SLC29A2: variants seen among roughly 807,000 people sequenced by gnomAD.
SLC29A2 encodes the protein solute carrier family 29 member 2.
Under a neutral mutation model 48.8 loss-of-function variants are expected in SLC29A2, and 37 were observed. The observed-to-expected ratio is 0.76, with a 90% CI of 0.58 to 1.00. The LOEUF (loss-of-function observed/expected upper bound fraction) is 1.00. SLC29A2 is among the 50% of genes least tolerant of loss of function. The pLI is 0.00. For synonymous variants in SLC29A2, 233 were observed against 261.7 expected (o/e 0.89, Z 1.06); for missense variants, 533 against 578.6 (o/e 0.92, Z 0.81).
Position 66,369,388 on chromosome 11 carries a change from TGAG to T in SLC29A2, c.253_255del (p.Leu85del), listed in dbSNP as rs780408258. 4 of 1,613,842 alleles carry T rather than the reference TGAG, an allele frequency of 2.5e-6. No homozygotes were observed. Among genetic ancestry groups the T allele is most frequent in the East Asian group, 2.2e-5 (1 of 44,878 alleles). On this transcript the variant is annotated inframe_deletion, in exon 3 of 12. Transcript: ENST00000357440. ...TCTCACCACTGGTACAGGAAGGAGT[TGAG>T]GAGGGTGAAGAGCAGCAGGGGCAGC...
At chr11:66,368,290 CA>C (rs1855824938) in intron 5 of SLC29A2, among the ~76,000 whole-genome samples, 2 of 152,112 alleles carry the variant, frequency 1.3e-5, no homozygotes, top group Admixed American at 1.3e-4. Context: ...AACCTGCTGC[CA>C]CATGCCAGTA....
At position 66,368,687 on chromosome 11, in the gene SLC29A2, A is replaced by G. The variant is rs200291847; in HGVS notation, c.416-16T>C. ...GCACTGAAGGCTGTGGAGGACAGGG[A>G]TGGGGGCTGCTGCTCAACTAGGCAA... On this transcript the variant is annotated splice_polypyrimidine_tract_variant and intron_variant, in intron 4 of 11. Transcript: ENST00000357440. 35 of 1,589,136 alleles carry G rather than the reference A, an allele frequency of 2.2e-5. No individual in the cohort carries two copies. The East Asian group carries it at 4.1e-4, about 19-fold the overall frequency.
chr11:66,364,157 G>A (rs1350026196), intron 11 of SLC29A2, 68 bp downstream of exon 11: 39 of 1,291,598 alleles, frequency 3.0e-5, no homozygotes, highest in African/African-American at 5.9e-5. Flanking sequence ...CATTGCAGGC[G>A]GTCCCTTCCC....
chr11:66,369,312 AG>A, intron 3 of SLC29A2, 56 bp downstream of exon 3: 1 of 1,608,572 alleles, frequency 6.2e-7, no homozygotes, highest in Non-Finnish European at 8.5e-7. Flanking sequence ...GGCGCAGGGG[AG>A]GGCCTCAATG....
chr11:66,365,531 G>A (rs1357479555), intron 10 of SLC29A2, among the ~76,000 whole-genome samples: 1 of 152,234 alleles, frequency 6.6e-6, no homozygotes, highest in African/African-American at 2.4e-5. Context: ...ATCAGCTCCT[G>A]TCCTGACTTG....
At chr11:66,369,275 G>A (rs961806002) in intron 3 of SLC29A2, 76 bp from the exon 4 acceptor site, 33 of 1,593,072 alleles carry the variant, frequency 2.1e-5, no homozygotes, top group Non-Finnish European at 2.6e-5. Flanking sequence ...GACACCTGGG[G>A]CTGGGCAGTA....
chr11:66,371,780 C>T, upstream of SLC29A2: 4 of 599,634 alleles, frequency 6.7e-6, no homozygotes, highest in Non-Finnish European at 1.2e-5. Flanking sequence ...AGGCTGGGAC[C>T]TGGGCTCCGC....
chr11:66,364,096 C>T, intron 11 of SLC29A2, 129 bp downstream of exon 11: 2 of 799,920 alleles, frequency 2.5e-6, no homozygotes, highest in Non-Finnish European at 4.1e-6. Flanking sequence ...GCCAGCAAGG[C>T]CTGCAGACAG....
In SLC29A2 at chr11:66,366,145, G is replaced by A. The variant is rs1855677321; in HGVS notation, c.954C>T (p.Ser318=). ...FPAITAMVTS[S]TSPGKWSQFF... is the part of the protein sequence containing the mutation. ...ACTCACTCCACTTCCCAGGACTGGTGGAGCTGGTCACCATGGCTGTGATGG... is the reference window on the plus strand; with the variant it reads ...ACTCACTCCACTTCCCAGGACTGGTAGAGCTGGTCACCATGGCTGTGATGG... The change falls in exon 9 of 12, where the codon TCC becomes TCT. Residue 318 remains serine (S), a synonymous_variant. Transcript: ENST00000357440. 1 of 1,614,152 alleles carries A rather than the reference G, an allele frequency of 6.2e-7. No homozygotes were observed. The highest frequency in any genetic ancestry group is 1.6e-4 in the Middle Eastern group (1 of 6,062).
chr11:66,366,275 GGGCCCCACCCTCTTGCCCAA>G, intron 8 of SLC29A2, 44 bp from the exon 9 acceptor site: 1 of 1,599,370 alleles, frequency 6.3e-7, no homozygotes, highest in Non-Finnish European at 8.6e-7. Context: ...GGCAGTCCCA[GGGCCCCACCCTCTTGCCCAA>G]GCCCCATGTG....
At chr11:66,364,173 C>A (rs1855529881) in intron 11 of SLC29A2, 52 bp downstream of exon 11, 11 of 1,449,512 alleles carry the variant, frequency 7.6e-6, no homozygotes, top group Non-Finnish European at 1.0e-5. Flanking sequence ...TTCCCAAAGA[C>A]TGAACCCACC....
Position 66,366,427 on chromosome 11 carries a change from A to G in SLC29A2, c.867+4T>C. Reference sequence around the variant, plus strand: ...GGTGGTTGGGGGCTGTATCCAAGCCAAACCTTCTGGAAGACAGTGAAGACT... The same window carrying G: ...GGTGGTTGGGGGCTGTATCCAAGCCGAACCTTCTGGAAGACAGTGAAGACT... On this transcript the variant is annotated splice_donor_region_variant and intron_variant, in intron 8 of 11. Transcript: ENST00000357440. 3.7e-6 allele frequency: 6 copies of G among 1,614,190 alleles called. No individual in the cohort carries two copies. Among genetic ancestry groups the G allele is most frequent in the Non-Finnish European group, 5.1e-6 (6 of 1,180,038 alleles).
rs1856023266 is a variant in SLC29A2 at position 66,371,301 on chromosome 11, G to A, written c.54C>T (p.Phe18=). ...RDSYHLVGIS[F]FILGLGTLLP... Reference sequence around the variant, plus strand: ...GGAGGGTGCCCAGCCCCAGGATGAAGAAGCTGATCCCGACCAGGTGGTAGC... The same window carrying A: ...GGAGGGTGCCCAGCCCCAGGATGAAAAAGCTGATCCCGACCAGGTGGTAGC... Residue 18 remains phenylalanine (F), a synonymous_variant, in exon 2 of 12, where the codon TTC becomes TTT. Transcript: ENST00000357440. 1.9e-6 allele frequency: 3 copies of A among 1,613,920 alleles called. No homozygotes were observed. The highest frequency in any genetic ancestry group is 2.2e-5 in the East Asian group (1 of 44,876).
chr11:66,371,931 C>A, upstream of SLC29A2: 1 of 396,972 alleles, frequency 2.5e-6, no homozygotes, highest in Non-Finnish European at 4.5e-6. Context: ...CCCGCAGCCC[C>A]CCGTCCTCTC....
intron 1 of SLC29A2, 71 bp from the exon 2 acceptor site, chr11:66,371,396 A>G: frequency 6.4e-7 from 1 of 1,564,814 alleles, no homozygotes; most frequent in Non-Finnish European, 8.8e-7. Context: ...CTCCCAGGCC[A>G]CCCCCTCCGG....
chr11:66,372,256 C>T (rs996744139), upstream of SLC29A2: 16 of 152,326 alleles, frequency 1.1e-4, no homozygotes, highest in African/African-American at 3.6e-4. Context: ...CGCTGGGTCC[C>T]CGGGAGTGCC....
chr11:66,367,751 C>T lies in SLC29A2; in HGVS notation c.648+21G>A, dbSNP rs369187584. On this transcript the variant is annotated intron_variant, in intron 6 of 11. Transcript: ENST00000357440. ...TCCAAGATGCTTTGAGGTGGGGCCT[C>T]GAGCCCAACAGCAGGCTCACCAGGT... The T allele has an allele frequency of 1.5e-5, 24 of 1,605,846 alleles. No homozygotes were observed. In the Admixed American group the frequency reaches 1.5e-4, roughly 10 times the overall value.
chr11:66,363,365 G>A lies in SLC29A2; in HGVS notation c.*71C>T, dbSNP rs757424477. 13 of 1,278,280 alleles carry A rather than the reference G, an allele frequency of 1.0e-5. 1 individual carries two copies. In the South Asian group the frequency reaches 1.5e-4, roughly 14 times the overall value. The allele number at this position is 1,278,280 out of a possible 1,614,324, so 79.2% of individuals were successfully genotyped here. A position where few individuals can be genotyped will look rare whatever the true frequency, so the allele number is the denominator to read the frequency against. ...GAGGCCTGAGCCAAGCTCGCCATTC[G>A]CCCTGGGCTGGATCTCAGCTCCGGA... On this transcript the variant is annotated 3_prime_UTR_variant, in exon 12 of 12. Coordinates refer to ENST00000357440, the MANE Select transcript of SLC29A2 (RefSeq NM_001532.3).
chr11:66,362,971 C>A lies in SLC29A2; in HGVS notation c.*465G>T. On this transcript the variant is annotated 3_prime_UTR_variant, in exon 12 of 12. Coordinates refer to ENST00000357440, the MANE Select transcript of SLC29A2 (RefSeq NM_001532.3). ...CCTGGCCCTTTGAGCACCCTCAGGT[C>A]CTCCACATCTGTTCCTCCTCTCAGG... 1 of 251,912 alleles carries A rather than the reference C, an allele frequency of 4.0e-6. No individual in the cohort carries two copies. The highest frequency in any genetic ancestry group is 7.9e-6 in the Non-Finnish European group (1 of 125,914). The allele number at this position is 251,912 out of a possible 1,614,324, so 15.6% of individuals were successfully genotyped here. A position where few individuals can be genotyped will look rare whatever the true frequency, so the allele number is the denominator to read the frequency against.
Sources: allele counts gnomAD v4.1 joint callset (sites outside exome capture counted in the v4.1 genomes callset), GRCh38; gene constraint gnomAD v4.1.1; transcripts MANE v1.5; gene names NCBI Gene and HGNC (gene_info 2026-07-23, HGNC 2026-07-21).